The following UNC5C variants were observed in gnomAD, a reference collection of about 807,000 sequenced individuals.
UNC5C encodes the protein unc-5 netrin receptor C, also known as netrin receptor UNC5C.
Under a neutral mutation model 99.8 loss-of-function variants are expected in UNC5C, and 47 were observed. The ratio of observed to expected loss-of-function variants is 0.47; its 90% confidence interval spans 0.37 to 0.60. The LOEUF is 0.60. Among genes scored for constraint, UNC5C ranks in the 20% least tolerant of loss-of-function variants. The probability of loss-of-function intolerance (pLI) is 0.00; values close to 1 mark genes in which losing one functional copy is unlikely to be tolerated. For missense variants in UNC5C, 1,062 were observed against 1,165.9 expected (o/e 0.91, Z 1.30); for synonymous variants, 487 against 452.2 (o/e 1.08, Z -0.98).
chr4:95,540,133 A>G (rs1722880784), intron 1 of UNC5C, among the ~76,000 whole-genome samples: 1 of 152,148 alleles, frequency 6.6e-6, no homozygotes, highest in African/African-American at 2.4e-5. Flanking sequence ...AGATTTCTCA[A>G]ACAAGCACAT....
chr4:95,164,630 T>C lies in UNC5C; in HGVS notation c.*4604A>G, dbSNP rs1735793221. 6.6e-6 allele frequency: 1 copy of C among 152,260 alleles called. No individual in the cohort carries two copies. The highest frequency in any genetic ancestry group is 2.1e-4 in the South Asian group (1 of 4,836). 9.4% of individuals were successfully genotyped at this position (152,260 alleles called of 1,614,324 possible). A position where few individuals can be genotyped will look rare whatever the true frequency, so the allele number is the denominator to read the frequency against. On this transcript the variant is annotated 3_prime_UTR_variant, in exon 16 of 16. Transcript: ENST00000453304. ...TATTTTCCTTATTAGATCTATAAAA[T>C]CTAATGCTTATCAACCATTATCTTG...
At chr4:95,296,503 T>A (rs1054932845) in intron 3 of UNC5C, among the ~76,000 whole-genome samples, 18 of 152,084 alleles carry the variant, frequency 1.2e-4, no homozygotes, top group African/African-American at 3.9e-4. Context: ...AAAGAATATA[T>A]CTACTCAAAC....
intron 1 of UNC5C, among the ~76,000 whole-genome samples, chr4:95,541,354 C>T (rs1014276498): frequency 1.3e-5 from 2 of 152,036 alleles, no homozygotes; most frequent in African/African-American, 2.4e-5. Flanking sequence ...GTAGTTATCT[C>T]GGTTATCAGA....
chr4:95,504,047 CTT>C (rs1353355902), intron 1 of UNC5C, among the ~76,000 whole-genome samples: 3 of 152,104 alleles, frequency 2.0e-5, no homozygotes, highest in African/African-American at 7.2e-5. Flanking sequence ...ATCCTAAACA[CTT>C]ATTTCCTACA....
At chr4:95,197,430 G>C (rs978025629) in intron 12 of UNC5C, among the ~76,000 whole-genome samples, 5 of 152,154 alleles carry the variant, frequency 3.3e-5, no homozygotes, top group African/African-American at 1.2e-4. Flanking sequence ...GGCATCATTT[G>C]CTATGCTGAA....
intron 1 of UNC5C, among the ~76,000 whole-genome samples, chr4:95,350,316 A>G (rs1035047367): frequency 5.3e-5 from 8 of 151,926 alleles, no homozygotes; most frequent in Admixed American, 5.3e-4. Context: ...GTGAAACCCC[A>G]TCTCTACTAA....
intron 1 of UNC5C, among the ~76,000 whole-genome samples, chr4:95,515,548 T>C (rs555954305): frequency 8.1e-4 from 124 of 152,300 alleles, no homozygotes; most frequent in African/African-American, 2.9e-3. Flanking sequence ...CTGAGGAAAA[T>C]GGATAATTGA....
intron 1 of UNC5C, among the ~76,000 whole-genome samples, chr4:95,456,030 G>A (rs1424172230): frequency 2.0e-5 from 3 of 152,052 alleles, no homozygotes; most frequent in East Asian, 1.9e-4. Context: ...ACTGCTACCC[G>A]GTGAGGCCTG....
At chr4:95,318,534 T>C (rs1742563229) in intron 2 of UNC5C, among the ~76,000 whole-genome samples, 2 of 152,180 alleles carry the variant, frequency 1.3e-5, no homozygotes, top group Admixed American at 1.3e-4. Context: ...GAAAAAACTG[T>C]CTGCCATGCA....
At chr4:95,547,063 C>G (rs907935334) in intron 1 of UNC5C, among the ~76,000 whole-genome samples, 10 of 151,884 alleles carry the variant, frequency 6.6e-5, no homozygotes, top group Admixed American at 1.3e-4. Flanking sequence ...CCAAACACCC[C>G]CCTCTAAGCA....
chr4:95,202,744 T>A lies in UNC5C; in HGVS notation c.2123A>T (p.Gln708Leu). ...GGAGGCACTTACCTTCAGGGCATCCTGGGTGTCATCCAGACAGTAGACTCG... is the reference window on the plus strand; with the variant it reads ...GGAGGCACTTACCTTCAGGGCATCCAGGGTGTCATCCAGACAGTAGACTCG... Reference protein sequence around the residue: ...SIRVYCLDDTQDALKEILHLE... With the variant: ...SIRVYCLDDTLDALKEILHLE... Residue 708 changes from glutamine to leucine, a missense_variant, in exon 12 of 16, where the codon CAG becomes CTG. This residue lies in a region of UNC5C where 810 missense variants were observed against 854.5 expected (regional missense o/e 0.95). Transcript: ENST00000453304. 8 of 1,614,130 alleles carry A rather than the reference T, an allele frequency of 5.0e-6. No homozygotes were observed. Among genetic ancestry groups the A allele is most frequent in the Non-Finnish European group, 6.8e-6 (8 of 1,179,976 alleles).
chr4:95,223,152 C>G (rs1171169768), intron 7 of UNC5C, among the ~76,000 whole-genome samples: 1 of 152,124 alleles, frequency 6.6e-6, no homozygotes, highest in Non-Finnish European at 1.5e-5. Context: ...GGAAAAGTCA[C>G]TTAAAATATG....
At chr4:95,213,530 C>G (rs558033826) in intron 10 of UNC5C, among the ~76,000 whole-genome samples, 1 of 152,208 alleles carries the variant, frequency 6.6e-6, no homozygotes, top group African/African-American at 2.4e-5. Context: ...CCTGCACTTT[C>G]GCTTAGAGCA....
chr4:95,469,895 G>A (rs1747915116), intron 1 of UNC5C, among the ~76,000 whole-genome samples: 1 of 152,148 alleles, frequency 6.6e-6, no homozygotes, highest in African/African-American at 2.4e-5. Flanking sequence ...TAGCATCAAA[G>A]AGTGTTTTTA....
chr4:95,434,381 T>C (rs1183539749), intron 1 of UNC5C, among the ~76,000 whole-genome samples: 1 of 152,096 alleles, frequency 6.6e-6, no homozygotes, highest in Non-Finnish European at 1.5e-5. Context: ...ACCTACTCTG[T>C]ACCCGACAAT....
At chr4:95,221,498 T>C (rs977644194) in intron 7 of UNC5C, among the ~76,000 whole-genome samples, 1 of 152,210 alleles carries the variant, frequency 6.6e-6, no homozygotes, top group Non-Finnish European at 1.5e-5. Context: ...CACTCTAATG[T>C]CATGGAATCT....
intron 14 of UNC5C, among the ~76,000 whole-genome samples, chr4:95,172,278 C>A (rs1427330232): frequency 6.6e-6 from 1 of 151,678 alleles, no homozygotes; most frequent in African/African-American, 2.4e-5. Flanking sequence ...CTTTGGTTGC[C>A]ATTGCTTTTG....
intron 1 of UNC5C, among the ~76,000 whole-genome samples, chr4:95,472,274 T>C (rs1747992571): frequency 6.6e-6 from 1 of 152,160 alleles, no homozygotes; most frequent in African/African-American, 2.4e-5. Context: ...AGGAGAAGCC[T>C]TTCATTTCAC....
chr4:95,347,406 A>G (rs907153215), intron 1 of UNC5C, among the ~76,000 whole-genome samples: 2 of 151,998 alleles, frequency 1.3e-5, no homozygotes, highest in East Asian at 1.9e-4. Flanking sequence ...TAGAAAAAAA[A>G]TGCTAAAATT....
Sources: gnomAD v4.1 joint callset for allele counts (sites outside exome capture counted in the v4.1 genomes callset) on GRCh38, gnomAD v4.1.1 for gene constraint, gnomAD v4.1.1 regional missense constraint, MANE v1.5 for transcripts, NCBI Gene and HGNC (gene_info 2026-07-23, HGNC 2026-07-21) for gene names.